MECOM: variants seen among roughly 807,000 people sequenced by gnomAD.
MECOM encodes MDS1 and EVI1 complex locus.
MECOM carries 13 observed loss-of-function variants against 116.3 expected under a neutral mutation model. The observed-to-expected ratio is 0.11, with a 90% confidence interval of 0.07 to 0.18. The LOEUF (loss-of-function observed/expected upper bound fraction) is 0.18, where lower values mean the gene tolerates loss of function less well. Ranked by LOEUF, MECOM falls within the 10% of genes least tolerant of loss-of-function variation. The pLI, the probability that MECOM is intolerant of heterozygous loss-of-function variation, is 1.00. For missense variants in MECOM, 1,299 were observed against 1,509.0 expected (o/e 0.86, Z 2.31); for synonymous variants, 528 against 535.2 (o/e 0.99, Z 0.19).
intron 2 of MECOM, chr3:169,145,783 T>C: frequency 4.6e-6 from 1 of 215,744 alleles, no homozygotes; most frequent in East Asian, 7.0e-5. Context: ...GGTGTAATTT[T>C]ATTCCGTGTT....
chr3:169,457,191 C>T (rs558527588), intron 1 of MECOM, among the ~76,000 whole-genome samples: 8 of 152,310 alleles, frequency 5.3e-5, no homozygotes, highest in South Asian at 4.1e-4. Flanking sequence ...AGCACCCCTT[C>T]CCCGAGCAGA....
intron 2 of MECOM, among the ~76,000 whole-genome samples, chr3:169,312,365 A>AT (rs367932449): frequency 0.35 from 40,937 of 118,460 alleles, 7,881 homozygotes; most frequent in Admixed American, 0.44. Flanking sequence ...AATGACTGCA[A>AT]TTTTTTTTTT....
intron 1 of MECOM, among the ~76,000 whole-genome samples, chr3:169,589,375 T>A (rs1766134893): frequency 6.6e-6 from 1 of 151,986 alleles, no homozygotes; most frequent in East Asian, 1.9e-4. Context: ...ATTTCATAGA[T>A]TGACAATAGG....
chr3:169,661,037 A>G (rs1776213534), intron 1 of MECOM, among the ~76,000 whole-genome samples: 1 of 152,230 alleles, frequency 6.6e-6, no homozygotes, highest in African/African-American at 2.4e-5. Flanking sequence ...AATGACAAGT[A>G]TCATCAGATC....
intron 1 of MECOM, among the ~76,000 whole-genome samples, chr3:169,508,305 A>T (rs1484987757): frequency 6.6e-6 from 1 of 152,140 alleles, no homozygotes; most frequent in Non-Finnish European, 1.5e-5. Flanking sequence ...AATTGTTTTA[A>T]CCGCTGTAAA....
Position 169,374,594 on chromosome 3 carries a change from C to T in MECOM, c.375+6593G>A, listed in dbSNP as rs1730701398. ...CAGCCCAAGAAGTTCACCCCAGAAG[C>T]CTGCTTTCTACTGCTCTGCGTGCAA... On this transcript the variant is annotated intron_variant, in intron 2 of 16. Transcript: ENST00000651503. 2.6e-5 allele frequency among the ~76,000 whole-genome samples: 4 copies of T among 152,068 alleles called. No individual in the cohort carries two copies. The South Asian group carries it at 8.3e-4, about 32-fold the overall frequency.
Position 169,249,896 on chromosome 3 carries a change from C to T in MECOM, c.376-106064G>A, listed in dbSNP as rs982808514. Reference sequence around the variant, plus strand: ...CTCCTCTGCTATAATTGAAAGGAACCGAGGTTGCAGAAGCTGTTTCAGAAT... The same window carrying T: ...CTCCTCTGCTATAATTGAAAGGAACTGAGGTTGCAGAAGCTGTTTCAGAAT... On this transcript the variant is annotated intron_variant, in intron 2 of 16. Transcript: ENST00000651503. Among the ~76,000 whole-genome samples the T allele has an allele frequency of 1.1e-4, 17 of 152,242 alleles. No homozygotes were observed. In the South Asian group the frequency reaches 1.2e-3, roughly 11 times the overall value.
chr3:169,427,424 A>G (rs1740909355), intron 1 of MECOM, among the ~76,000 whole-genome samples: 1 of 152,218 alleles, frequency 6.6e-6, no homozygotes, highest in South Asian at 2.1e-4. Flanking sequence ...CACACAAATT[A>G]ATTCTTGGTC....
chr3:169,567,359 C>T (rs942220646), intron 1 of MECOM, among the ~76,000 whole-genome samples: 1 of 152,208 alleles, frequency 6.6e-6, no homozygotes, highest in Non-Finnish European at 1.5e-5. Flanking sequence ...CCCCCACTCT[C>T]GTAGCTAGCA....
intron 2 of MECOM, among the ~76,000 whole-genome samples, chr3:169,379,991 C>G (rs972137956): frequency 6.6e-6 from 1 of 152,120 alleles, no homozygotes; most frequent in Admixed American, 6.5e-5. Flanking sequence ...GGATTTCCCA[C>G]TTGAATCATG....
At chr3:169,535,272 T>A in intron 1 of MECOM, among the ~76,000 whole-genome samples, 1 of 152,112 alleles carries the variant, frequency 6.6e-6, no homozygotes, top group Non-Finnish European at 1.5e-5. Flanking sequence ...AAATCAATCC[T>A]CTTGACCAGA....
intron 2 of MECOM, among the ~76,000 whole-genome samples, chr3:169,176,120 AAC>A (rs1553759576): frequency 3.4e-5 from 5 of 148,976 alleles, no homozygotes; most frequent in South Asian, 2.2e-4. Flanking sequence ...AAAAAAAAAC[AAC>A]ACACACACAC....
intron 2 of MECOM, among the ~76,000 whole-genome samples, chr3:169,260,525 T>A (rs1757410900): frequency 6.6e-6 from 1 of 152,068 alleles, no homozygotes; most frequent in African/African-American, 2.4e-5. Context: ...TGGTTAAATC[T>A]GCGAAAAGTA....
intron 2 of MECOM, among the ~76,000 whole-genome samples, chr3:169,232,116 G>A (rs1753473956): frequency 6.6e-6 from 1 of 152,140 alleles, no homozygotes; most frequent in South Asian, 2.1e-4. Context: ...AACTTCCAAA[G>A]CCTTTTCTCC....
At chr3:169,472,161 C>T (rs1749358593) in intron 1 of MECOM, among the ~76,000 whole-genome samples, 2 of 151,156 alleles carry the variant, frequency 1.3e-5, no homozygotes, top group Non-Finnish European at 2.9e-5. Flanking sequence ...CTCATATACC[C>T]AATAAATATA....
chr3:169,257,263 C>T (rs190233409), intron 2 of MECOM, among the ~76,000 whole-genome samples: 2 of 152,290 alleles, frequency 1.3e-5, no homozygotes. Context: ...AGAAATTGGT[C>T]ATCCCTTTCC....
chr3:169,329,008 A>G (rs746466820), intron 2 of MECOM, among the ~76,000 whole-genome samples: 18 of 152,198 alleles, frequency 1.2e-4, no homozygotes, highest in South Asian at 1.0e-3. Context: ...TTAGCTCCTT[A>G]CCTAGTATCC....
At chr3:169,345,903 A>G (rs1336327730) in intron 2 of MECOM, among the ~76,000 whole-genome samples, 1 of 152,148 alleles carries the variant, frequency 6.6e-6, no homozygotes, top group Non-Finnish European at 1.5e-5. Flanking sequence ...AACACTGGTG[A>G]AAACAATGAA....
At chr3:169,483,754 C>A in intron 1 of MECOM, 2 of 1,607,394 alleles carry the variant, frequency 1.2e-6, no homozygotes, top group African/African-American at 2.7e-5. Flanking sequence ...TTAGCAACTA[C>A]GCGCAACCAG....
Sources: allele counts gnomAD v4.1 joint callset (sites outside exome capture counted in the v4.1 genomes callset), GRCh38; gene constraint gnomAD v4.1.1; transcripts MANE v1.5; gene names NCBI Gene and HGNC (gene_info 2026-07-23, HGNC 2026-07-21).